KLHL29: variants seen among roughly 807,000 people sequenced by gnomAD.
KLHL29 encodes kelch like family member 29, also known as kelch-like protein 29.
A neutral mutation model predicts 80.4 loss-of-function variants in KLHL29; 21 were observed. The observed-to-expected ratio is 0.26, with a 90% CI of 0.19 to 0.38. KLHL29 has a LOEUF of 0.38. Among genes scored for constraint, KLHL29 ranks in the 10% least tolerant of loss-of-function variants. The probability of loss-of-function intolerance (pLI) is 1.00; values close to 1 mark genes in which losing one functional copy is unlikely to be tolerated. For missense variants in KLHL29, 867 were observed against 1,223.9 expected, an observed-to-expected ratio of 0.71 and a Z score of 4.35; for synonymous variants, 511 against 526.8, an observed-to-expected ratio of 0.97 and a Z score of 0.41.
At chr2:23,525,690 C>A (rs1372206811) in intron 2 of KLHL29, among the ~76,000 whole-genome samples, 2 of 151,134 alleles carry the variant, frequency 1.3e-5, no homozygotes, top group African/African-American at 2.4e-5. Context: ...CTGGGACTTT[C>A]CTCGCTCCCC....
At chr2:23,585,461 A>G (rs1000501292) in intron 3 of KLHL29, among the ~76,000 whole-genome samples, 2 of 152,184 alleles carry the variant, frequency 1.3e-5, no homozygotes, top group Non-Finnish European at 2.9e-5. Context: ...GTGTTAACAG[A>G]TGGACTGCCG....
chr2:23,622,322 C>T (rs4665618), intron 3 of KLHL29, among the ~76,000 whole-genome samples: 17,983 of 152,170 alleles, frequency 0.12, 1,436 homozygotes, highest in East Asian at 0.28. Context: ...GGACTCAGCC[C>T]CCTCCTCCAG....
intron 1 of KLHL29, among the ~76,000 whole-genome samples, chr2:23,445,843 T>A (rs999897757): frequency 6.6e-6 from 1 of 152,242 alleles, no homozygotes; most frequent in Non-Finnish European, 1.5e-5. Flanking sequence ...ATCTTATGAG[T>A]AAGGTTACAC....
At chr2:23,633,107 C>T (rs11903148) in intron 3 of KLHL29, among the ~76,000 whole-genome samples, 26,284 of 152,066 alleles carry the variant, frequency 0.17, 2,453 homozygotes, top group Non-Finnish European at 0.21. Context: ...GCTTGTCTTC[C>T]CCAAATGGGC....
chr2:23,482,643 A>G (rs1415384633), intron 2 of KLHL29, among the ~76,000 whole-genome samples: 2 of 152,194 alleles, frequency 1.3e-5, no homozygotes, highest in Non-Finnish European at 1.5e-5. Context: ...TCATTTACTC[A>G]TACTCAGAGG....
chr2:23,405,352 C>T (rs1217380745), intron 1 of KLHL29, among the ~76,000 whole-genome samples: 3 of 152,122 alleles, frequency 2.0e-5, no homozygotes, highest in Non-Finnish European at 4.4e-5. Flanking sequence ...TGTAAAATGA[C>T]ATTTAAAAAT....
chr2:23,537,153 C>T (rs1426756574), intron 2 of KLHL29, among the ~76,000 whole-genome samples: 3 of 152,132 alleles, frequency 2.0e-5, no homozygotes, highest in Non-Finnish European at 4.4e-5. Flanking sequence ...TCCTGAGTTC[C>T]CTTTCAGTCA....
At chr2:23,523,603 C>T (rs1405632662) in intron 2 of KLHL29, among the ~76,000 whole-genome samples, 1 of 152,168 alleles carries the variant, frequency 6.6e-6, no homozygotes, top group African/African-American at 2.4e-5. Flanking sequence ...CGTAGTGAGT[C>T]TCCTATTTGG....
At position 23,456,967 on chromosome 2, in the gene KLHL29, G is replaced by A. The variant is rs937416003; in HGVS notation, c.-153-18593G>A. On this transcript the variant is annotated intron_variant, in intron 1 of 13. Transcript: ENST00000486442. Reference sequence around the variant, plus strand: ...GTTGCTCCAGGTCACACAGGCCACCGCAGAAGCAGGCCTGGCTACATGGAA... The same window carrying A: ...GTTGCTCCAGGTCACACAGGCCACCACAGAAGCAGGCCTGGCTACATGGAA... Among the ~76,000 whole-genome samples, 9 of 152,196 alleles carry A rather than the reference G, an allele frequency of 5.9e-5. No individual in the cohort carries two copies. In the South Asian group the frequency reaches 8.3e-4, roughly 14 times the overall value.
At chr2:23,529,045 A>T (rs1479180023) in intron 2 of KLHL29, among the ~76,000 whole-genome samples, 1 of 152,216 alleles carries the variant, frequency 6.6e-6, no homozygotes, top group Admixed American at 6.5e-5. Context: ...TTTGGGGATG[A>T]TGCTGAGCCA....
chr2:23,569,113 C>A (rs1487501782), intron 3 of KLHL29, among the ~76,000 whole-genome samples: 1 of 152,200 alleles, frequency 6.6e-6, no homozygotes, highest in Non-Finnish European at 1.5e-5. Flanking sequence ...ACACTGCTGT[C>A]CCCAGGACAT....
chr2:23,412,999 G>A (rs1666902122), intron 1 of KLHL29, among the ~76,000 whole-genome samples: 1 of 152,088 alleles, frequency 6.6e-6, no homozygotes, highest in Non-Finnish European at 1.5e-5. Context: ...AGATGTTTTT[G>A]ACATTTGAAG....
intron 4 of KLHL29, among the ~76,000 whole-genome samples, chr2:23,641,707 G>A (rs1669775270): frequency 1.3e-5 from 2 of 152,242 alleles, no homozygotes; most frequent in South Asian, 4.1e-4. Flanking sequence ...GCTGAGGTCA[G>A]GCGTGGTGGC....
At chr2:23,663,423 C>T (rs372503075) in intron 5 of KLHL29, among the ~76,000 whole-genome samples, 1 of 152,246 alleles carries the variant, frequency 6.6e-6, no homozygotes, top group East Asian at 1.9e-4. Context: ...GGCCGCCCCG[C>T]GGCTCCGCCG....
At chr2:23,409,939 A>G (rs1403458254) in intron 1 of KLHL29, among the ~76,000 whole-genome samples, 2 of 152,220 alleles carry the variant, frequency 1.3e-5, no homozygotes, top group East Asian at 3.8e-4. Context: ...GAGCTGGGGA[A>G]GGAGCAGGGA....
intron 1 of KLHL29, among the ~76,000 whole-genome samples, chr2:23,421,675 T>C (rs1662811170): frequency 1.3e-5 from 2 of 150,132 alleles, no homozygotes; most frequent in Admixed American, 6.7e-5. Flanking sequence ...GTGTGTGTTA[T>C]ATGTTGTGTG....
chr2:23,391,996 T>C (rs765920254), intron 1 of KLHL29, among the ~76,000 whole-genome samples: 28 of 152,218 alleles, frequency 1.8e-4, no homozygotes, highest in Non-Finnish European at 4.4e-5. Flanking sequence ...CCGTCTCCAG[T>C]GCTTCCTAGC....
At chr2:23,530,465 G>A (rs923827245) in intron 2 of KLHL29, among the ~76,000 whole-genome samples, 3 of 152,196 alleles carry the variant, frequency 2.0e-5, no homozygotes, top group African/African-American at 7.2e-5. Context: ...TCTGCACGGT[G>A]AATAAAGGAG....
chr2:23,429,585 T>A (rs1159403288), intron 1 of KLHL29, among the ~76,000 whole-genome samples: 1 of 152,138 alleles, frequency 6.6e-6, no homozygotes, highest in Non-Finnish European at 1.5e-5. Flanking sequence ...AAACCTCGTC[T>A]CTACTAAAAA....
Sources: gnomAD v4.1 joint callset for allele counts (sites outside exome capture counted in the v4.1 genomes callset) on GRCh38, gnomAD v4.1.1 for gene constraint, MANE v1.5 for transcripts, NCBI Gene and HGNC (gene_info 2026-07-23, HGNC 2026-07-21) for gene names.